ATAD2: variants seen among roughly 807,000 people sequenced by gnomAD.
ATAD2 encodes the protein ATPase family AAA domain-containing protein 2.
A neutral mutation model predicts 168.9 loss-of-function variants in ATAD2; 62 were observed. The observed-to-expected ratio is 0.37, with a 90% CI of 0.30 to 0.45. The LOEUF is 0.45. Among genes scored for constraint, ATAD2 ranks in the 20% least tolerant of loss-of-function variants. The probability of loss-of-function intolerance (pLI) is 1.00; values close to 1 mark genes in which losing one functional copy is unlikely to be tolerated. For synonymous variants in ATAD2, 613 were observed against 571.6 expected (o/e 1.07, Z -1.03); for missense variants, 1,419 against 1,667.8 (o/e 0.85, Z 2.60).
chr8:123,396,602 G>A, upstream of ATAD2: 3 of 537,404 alleles, frequency 5.6e-6, no homozygotes, highest in South Asian at 7.4e-5. Context: ...GAGGAACACA[G>A]GCCGACAGTA....
At chr8:123,348,415 A>G (rs955119302) in intron 14 of ATAD2, 142 bp from the exon 15 acceptor site, 8 of 576,278 alleles carry the variant, frequency 1.4e-5, no homozygotes, top group African/African-American at 2.0e-5. Context: ...GGTGGCTCAC[A>G]CCTGTAATCC....
At chr8:123,398,756 C>T (rs1265086246), upstream of ATAD2, among the ~76,000 whole-genome samples, 1 of 151,878 alleles carries the variant, frequency 6.6e-6, no homozygotes, top group African/African-American at 2.4e-5. Context: ...CCTCCCACCA[C>T]AGCCTCCCAA....
intron 8 of ATAD2, among the ~76,000 whole-genome samples, chr8:123,368,246 C>A (rs1210599808): frequency 6.6e-6 from 1 of 151,954 alleles, no homozygotes; most frequent in Non-Finnish European, 1.5e-5. Flanking sequence ...GGTGAAAACC[C>A]GTCTCTACTA....
At chr8:123,377,219 T>C (rs1037754143) in intron 2 of ATAD2, among the ~76,000 whole-genome samples, 30 of 150,532 alleles carry the variant, frequency 2.0e-4, no homozygotes, top group African/African-American at 5.9e-4. Context: ...CTGTGAGCCA[T>C]GATCATGCCA....
chr8:123,336,644 T>C (rs1827921401), intron 21 of ATAD2, 112 bp from the exon 22 acceptor site: 1 of 800,212 alleles, frequency 1.2e-6, no homozygotes. Context: ...TAAGAGATTA[T>C]GATAATATAT....
Position 123,320,900 on chromosome 8 carries a change from T to C in ATAD2, c.*234A>G. ...AGAGTTGGCCAAACTTCAACTATTA[T>C]TACTATTACTACAGGGTCTTGTTCT... On this transcript the variant is annotated 3_prime_UTR_variant, in exon 28 of 28. Transcript: ENST00000287394. 1 of 416,776 alleles carries C rather than the reference T, an allele frequency of 2.4e-6. No individual in the cohort carries two copies. The allele number at this position is 416,776 out of a possible 1,614,324, so 25.8% of individuals were successfully genotyped here.
intron 1 of ATAD2, among the ~76,000 whole-genome samples, chr8:123,415,647 T>A (rs1178687447): frequency 6.6e-6 from 1 of 151,712 alleles, no homozygotes; most frequent in Non-Finnish European, 1.5e-5. Flanking sequence ...CAGGCTGGAG[T>A]GCAATGGCAC....
At chr8:123,368,608 T>C (rs1396831208) in intron 8 of ATAD2, among the ~76,000 whole-genome samples, 1 of 152,154 alleles carries the variant, frequency 6.6e-6, no homozygotes, top group Admixed American at 6.6e-5. Flanking sequence ...CAGAAAAAGA[T>C]AACCAGAGTC....
At chr8:123,371,206 A>G (rs765057714) in intron 5 of ATAD2, 30 bp downstream of exon 5, 1 of 1,527,732 alleles carries the variant, frequency 6.5e-7, no homozygotes, top group Non-Finnish European at 8.9e-7. Context: ...TGGATATTAA[A>G]TCATTCCCTT....
At chr8:123,372,524 T>G (rs1829178764) in intron 3 of ATAD2, 113 bp downstream of exon 3, 1 of 797,288 alleles carries the variant, frequency 1.3e-6, no homozygotes, top group Admixed American at 2.9e-5. Context: ...CGTTAAAACC[T>G]AACAAATTAT....
chr8:123,343,300 T>C (rs1828121612), intron 19 of ATAD2, among the ~76,000 whole-genome samples: 1 of 152,094 alleles, frequency 6.6e-6, no homozygotes, highest in African/African-American at 2.4e-5. Flanking sequence ...TACTGAGGCC[T>C]TACCTAGCCT....
intron 2 of ATAD2, among the ~76,000 whole-genome samples, chr8:123,375,395 A>C (rs550835109): frequency 1.3e-5 from 2 of 152,308 alleles, no homozygotes; most frequent in African/African-American, 4.8e-5. Context: ...GTTGGTGAGG[A>C]TGTAGAGACC....
chr8:123,382,834 C>A (rs547009989), intron 1 of ATAD2, among the ~76,000 whole-genome samples: 5 of 152,296 alleles, frequency 3.3e-5, no homozygotes, highest in African/African-American at 1.2e-4. Flanking sequence ...ACCCAGCAAT[C>A]CCATTATTGT....
At chr8:123,351,518 A>C (rs1828459408) in intron 13 of ATAD2, among the ~76,000 whole-genome samples, 1 of 152,170 alleles carries the variant, frequency 6.6e-6, no homozygotes, top group Non-Finnish European at 1.5e-5. Flanking sequence ...AGAGGCTGCA[A>C]AATGGTGACT....
intron 14 of ATAD2, 132 bp from the exon 15 acceptor site, chr8:123,348,405 G>A (rs1315762691): frequency 2.2e-5 from 14 of 629,454 alleles, no homozygotes; most frequent in Middle Eastern, 4.7e-4. Context: ...GGCCGGGTGC[G>A]GTGGCTCACA....
Position 123,357,756 on chromosome 8 carries a change from C to A in ATAD2, c.1383-20G>T. On this transcript the variant is annotated intron_variant, in intron 11 of 27. Transcript: ENST00000287394. ...CAACCTCTGTAAAACAATACATTAA[C>A]ATTTTAGTATTACATTTAAAAAGCA... 6.4e-7 allele frequency: 1 copy of A among 1,551,648 alleles called. No individual in the cohort carries two copies. Among genetic ancestry groups the A allele is most frequent in the South Asian group, 1.2e-5 (1 of 81,710 alleles).
At chr8:123,327,081 G>C (rs540443810) in intron 25 of ATAD2, among the ~76,000 whole-genome samples, 2 of 152,140 alleles carry the variant, frequency 1.3e-5, no homozygotes, top group South Asian at 2.1e-4. Flanking sequence ...GCTAATTTTT[G>C]TATTTTTAGT....
At chr8:123,329,746 CAAAAAAAAAAA>C (rs68104102) in intron 24 of ATAD2, among the ~76,000 whole-genome samples, 3 of 84,386 alleles carry the variant, frequency 3.6e-5, no homozygotes, top group Non-Finnish European at 4.2e-5. Context: ...AACTCCGTCT[CAAAAAAAAAAA>C]AAAAAAAAAA....
chr8:123,392,326 G>A (rs1812617602), intron 1 of ATAD2, among the ~76,000 whole-genome samples: 1 of 152,114 alleles, frequency 6.6e-6, no homozygotes, highest in Non-Finnish European at 1.5e-5. Context: ...AGGCATGTCA[G>A]GAGAGTGGTT....
Sources: allele counts gnomAD v4.1 joint callset (sites outside exome capture counted in the v4.1 genomes callset), GRCh38; gene constraint gnomAD v4.1.1; transcripts MANE v1.5; gene names NCBI Gene and HGNC (gene_info 2026-07-23, HGNC 2026-07-21).